Variants in ELMO1 observed in about 807,000 individuals in gnomAD.
ELMO1 encodes the protein engulfment and cell motility 1.
A neutral mutation model predicts 98.9 loss-of-function variants in ELMO1; 26 were observed. The ratio of observed to expected loss-of-function variants is 0.26; its 90% CI spans 0.19 to 0.36. The LOEUF is 0.36. ELMO1 is among the 10% of genes least tolerant of loss of function. ELMO1 has a pLI of 1.00. For synonymous variants in ELMO1, 346 were observed against 346.0 expected, an observed-to-expected ratio of 1.00 and a Z score of 0.00; for missense variants, 627 against 935.2, an observed-to-expected ratio of 0.67 and a Z score of 4.30.
Position 37,133,131 on chromosome 7 carries a change from C to A in ELMO1, c.1190G>T (p.Arg397Leu). Residue 397 changes from arginine to leucine, a missense_variant and splice_region_variant, in exon 14 of 22, where the codon CGG (arginine) becomes CTG (leucine). By Grantham distance (102) the Arg-to-Leu change is moderately radical. Around this residue, in one of 3 missense-constraint regions of ELMO1, gnomAD observed 492 missense variants for 715.6 expected, o/e 0.69. Transcript: ENST00000310758. ...FAKHHQDAYIRIVLENSSRED... is the reference protein window; with the variant it reads ...FAKHHQDAYILIVLENSSRED... ...TCTGAAAAGGGGCTTCTTGCTTACC[C>A]GGATGTAGGCATCTTGGTGGTGCTT... 1 of 1,604,610 alleles carries A rather than the reference C, an allele frequency of 6.2e-7. No homozygotes were observed. The highest frequency in any genetic ancestry group is 1.1e-5 in the South Asian group (1 of 89,500).
At position 37,000,916 on chromosome 7, in the gene ELMO1, C is replaced by CAT. The variant is rs746528123; in HGVS notation, c.1437+12381_1437+12382dup. Among the ~76,000 whole-genome samples, 269 of 147,114 alleles carry CAT rather than the reference C, an allele frequency of 1.8e-3. 1 individual carries two copies. Among genetic ancestry groups the CAT allele is most frequent in the East Asian group, 0.017 (86 of 5,118 alleles). On this transcript the variant is annotated intron_variant, in intron 16 of 21. Coordinates refer to ENST00000310758, the MANE Select transcript of ELMO1 (RefSeq NM_014800.11). ...TGAAAATGAAACAGAGGGATATATA[C>CAT]ATATATATATGTATATGTGTATACA...
chr7:37,446,587 G>C (rs1805628319), intron 1 of ELMO1, among the ~76,000 whole-genome samples: 1 of 152,120 alleles, frequency 6.6e-6, no homozygotes, highest in South Asian at 2.1e-4. Flanking sequence ...AATGTAAGAC[G>C]GTGAGGGTGC....
chr7:36,913,463 T>C (rs1401883989), intron 16 of ELMO1, among the ~76,000 whole-genome samples: 1 of 152,124 alleles, frequency 6.6e-6, no homozygotes, highest in African/African-American at 2.4e-5. Flanking sequence ...CAAAAGTGAG[T>C]TGAGTTCTGC....
intron 16 of ELMO1, among the ~76,000 whole-genome samples, chr7:36,899,031 C>T (rs896699669): frequency 6.6e-6 from 1 of 152,044 alleles, no homozygotes. Flanking sequence ...AGGGGAGGGG[C>T]CATTCTTGGT....
intron 1 of ELMO1, among the ~76,000 whole-genome samples, chr7:37,436,206 G>C (rs1171767086): frequency 2.0e-5 from 3 of 152,012 alleles, no homozygotes; most frequent in Admixed American, 1.3e-4. Flanking sequence ...TCTTCTTATG[G>C]GTCTTTAAAC....
rs535876126 is a variant in ELMO1, at chr7:37,113,897, A to T, written c.1192-17170T>A. Among the ~76,000 whole-genome samples the T allele has an allele frequency of 1.1e-3, 172 of 152,264 alleles. 1 individual carries two copies. The highest frequency in any genetic ancestry group is 3.9e-3 in the African/African-American group (161 of 41,550). ...AAAAAGGGAGGCCTCAGAGACACCA[A>T]CCCTGCCAGTAGCTAGATTTTAGAT... is the stretch of plus-strand genomic sequence containing the variant. On this transcript the variant is annotated intron_variant, in intron 14 of 21. Transcript: ENST00000310758.
intron 13 of ELMO1, among the ~76,000 whole-genome samples, chr7:37,200,389 C>A (rs1281207936): frequency 6.6e-6 from 1 of 152,042 alleles, no homozygotes; most frequent in Non-Finnish European, 1.5e-5. Flanking sequence ...CTAGCAGCTA[C>A]AACTTTAAGA....
At chr7:37,232,888 C>T (rs1370720539) in intron 8 of ELMO1, among the ~76,000 whole-genome samples, 1 of 152,192 alleles carries the variant, frequency 6.6e-6, no homozygotes, top group African/African-American at 2.4e-5. Context: ...TGGGTGCGCA[C>T]ATGCAATCCC....
intron 13 of ELMO1, among the ~76,000 whole-genome samples, chr7:37,205,803 G>A (rs1296488286): frequency 6.6e-6 from 1 of 152,082 alleles, no homozygotes; most frequent in African/African-American, 2.4e-5. Context: ...ATTGATTTGG[G>A]CATTACAAAT....
At chr7:37,437,381 A>T (rs573628315) in intron 1 of ELMO1, among the ~76,000 whole-genome samples, 2 of 152,380 alleles carry the variant, frequency 1.3e-5, no homozygotes, top group South Asian at 4.1e-4. Context: ...AAGAGCTTTC[A>T]TTTGAGGACC....
At chr7:37,395,931 T>A (rs546434065) in intron 1 of ELMO1, among the ~76,000 whole-genome samples, 1 of 151,602 alleles carries the variant, frequency 6.6e-6, no homozygotes, top group African/African-American at 2.4e-5. Flanking sequence ...AGTGTCATAG[T>A]TTTTTGTAGG....
At chr7:37,051,330 T>C (rs1250655543) in intron 15 of ELMO1, among the ~76,000 whole-genome samples, 1 of 152,236 alleles carries the variant, frequency 6.6e-6, no homozygotes, top group Admixed American at 6.5e-5. Flanking sequence ...AACTATTCAA[T>C]AAATGGGCTG....
intron 4 of ELMO1, 42 bp from the exon 5 acceptor site, chr7:37,271,924 G>C: frequency 6.3e-7 from 1 of 1,579,434 alleles, no homozygotes; most frequent in Non-Finnish European, 8.7e-7. Flanking sequence ...TCAAGTAGAA[G>C]CTTGGTAAAG....
At chr7:37,127,429 G>A (rs1786603485) in intron 14 of ELMO1, among the ~76,000 whole-genome samples, 1 of 152,178 alleles carries the variant, frequency 6.6e-6, no homozygotes, top group Non-Finnish European at 1.5e-5. Flanking sequence ...CCAGAGACGA[G>A]GCTACAGAAC....
chr7:37,215,777 C>T (rs1054194465), intron 11 of ELMO1, among the ~76,000 whole-genome samples: 9 of 152,254 alleles, frequency 5.9e-5, no homozygotes, highest in Admixed American at 1.3e-4. Flanking sequence ...CCTGCCCCGA[C>T]AATCCCCCAG....
intron 1 of ELMO1, chr7:37,429,555 T>C (rs1647795): frequency 0.33 from 50,977 of 152,290 alleles, 9,580 homozygotes; most frequent in Non-Finnish European, 0.44. Flanking sequence ...ATATTCTACA[T>C]GCCAGGCAGT....
At chr7:37,401,851 T>C (rs1177098210) in intron 1 of ELMO1, among the ~76,000 whole-genome samples, 2 of 152,140 alleles carry the variant, frequency 1.3e-5, no homozygotes, top group Non-Finnish European at 2.9e-5. Flanking sequence ...ACTCCTTCCC[T>C]ATACCCAAAG....
At chr7:37,263,685 G>C (rs926533218) in intron 5 of ELMO1, among the ~76,000 whole-genome samples, 14 of 152,180 alleles carry the variant, frequency 9.2e-5, no homozygotes, top group African/African-American at 3.4e-4. Context: ...ATTCTGGGCA[G>C]CATCAATGGT....
chr7:37,033,943 GAC>G (rs1210944814), intron 15 of ELMO1, among the ~76,000 whole-genome samples: 2 of 152,182 alleles, frequency 1.3e-5, no homozygotes, highest in African/African-American at 2.4e-5. Context: ...AGATAAGAGA[GAC>G]AGTGCTGTGC....
Sources: gnomAD v4.1 joint callset for allele counts (sites outside exome capture counted in the v4.1 genomes callset) on GRCh38, gnomAD v4.1.1 for gene constraint, gnomAD v4.1.1 regional missense constraint, MANE v1.5 for transcripts, NCBI Gene and HGNC (gene_info 2026-07-23, HGNC 2026-07-21) for gene names.